SASH3: variants seen among roughly 807,000 people sequenced by gnomAD.
SASH3 encodes the protein SAM and SH3 domain-containing protein 3.
In SASH3, 7 loss-of-function variants were observed where a neutral mutation model predicts 26.1. The ratio of observed to expected loss-of-function variants is 0.27; its 90% CI spans 0.15 to 0.50. The LOEUF is 0.50. Among genes scored for constraint, SASH3 ranks in the 20% least tolerant of loss-of-function variants. The pLI is 0.98. For synonymous variants in SASH3, 138 were observed against 136.8 expected (o/e 1.01, Z -0.06); for missense variants, 231 against 318.3 (o/e 0.73, Z 2.09).
At position 129,788,463 on chromosome X, in the gene SASH3, A is replaced by G. The variant is rs1381411244; in HGVS notation, c.186A>G (p.Pro62=). The G allele has an allele frequency of 8.3e-7, 1 of 1,211,603 alleles. No homozygotes were observed. The highest frequency in any genetic ancestry group is 2.2e-5 in the Admixed American group (1 of 46,090). ...IPEDDSGVPT[P]EDAGKSGKKL... ...AAGATGACTCAGGTGTCCCCACCCC[A>G]GAAGATGCTGGGAAGAGTGGCAAAA... is the stretch of plus-strand genomic sequence containing the variant. Residue 62 remains proline (P), a synonymous_variant, in exon 3 of 8, where the codon CCA becomes CCG. Transcript: ENST00000356892.
At chrX:129,780,218 G>C in intron 1 of SASH3, 64 bp downstream of exon 1, 1 of 1,071,218 alleles carries the variant, frequency 9.3e-7, no homozygotes. Flanking sequence ...TCCCTTCCAA[G>C]ACTCTTGGAA....
In SASH3 at chrX:129,781,280, G is replaced by T. The variant is rs769843748; in HGVS notation, c.57+1126G>T. ...AAAGACTGAGACTCGGGGCAGTGGG[G>T]TGTGCATCCTGCCCCAGCTCTCAGG... On this transcript the variant is annotated intron_variant, in intron 1 of 7. Transcript: ENST00000356892. 6.2e-5 allele frequency among the ~76,000 whole-genome samples: 7 copies of T among 112,002 alleles called. No homozygotes were observed. In the East Asian group the frequency reaches 1.7e-3, roughly 27 times the overall value.
chrX:129,786,167 C>A (rs1927102970), intron 1 of SASH3, among the ~76,000 whole-genome samples: 1 of 110,699 alleles, frequency 9.0e-6, no homozygotes, highest in South Asian at 3.9e-4. Flanking sequence ...AGGCTGCAGG[C>A]ACCCCACCCA....
At chrX:129,788,733 G>C (rs1421273741) in intron 3 of SASH3, among the ~76,000 whole-genome samples, 156 bp downstream of exon 3, 1 of 111,879 alleles carries the variant, frequency 8.9e-6, no homozygotes, top group Non-Finnish European at 1.9e-5. Context: ...CTCACTTGCA[G>C]CCACGGACAG....
In SASH3 at chrX:129,779,972, G is replaced by C; in HGVS notation, c.-126G>C. The stretch of plus-strand genomic sequence containing the variant: ...GCACCCCCAAGCTGCCACTGCAGCA[G>C]TCAGAGTGGCAGCTGAAGGCTCGGT... On this transcript the variant is annotated 5_prime_UTR_variant, in exon 1 of 8. Coordinates refer to ENST00000356892, the MANE Select transcript of SASH3 (RefSeq NM_018990.4). The C allele has an allele frequency of 1.6e-6, 1 of 624,523 alleles. No homozygotes were observed. Among genetic ancestry groups the C allele is most frequent in the Non-Finnish European group, 2.5e-6 (1 of 394,099 alleles). 51.5% of individuals were successfully genotyped at this position (624,523 alleles called of 1,213,427 possible).
rs371341925 is a variant in SASH3, at chrX:129,793,157, C to T, written c.952+18C>T. The T allele has an allele frequency of 1.2e-4, 150 of 1,209,384 alleles. No individual in the cohort carries two copies. The African/African-American group carries it at 1.5e-3, about 12-fold the overall frequency. Reference sequence around the variant, plus strand: ...CTATGACAGTGAGTGGCTTTAGGAGCGGCCTGGTGAGGGTGTGTGCCCACC... The same window carrying T: ...CTATGACAGTGAGTGGCTTTAGGAGTGGCCTGGTGAGGGTGTGTGCCCACC... On this transcript the variant is annotated intron_variant, in intron 7 of 7. Transcript: ENST00000356892.
At chrX:129,789,501 G>T (rs1274916811) in intron 3 of SASH3, among the ~76,000 whole-genome samples, 3 of 111,444 alleles carry the variant, frequency 2.7e-5, no homozygotes, top group Non-Finnish European at 5.7e-5. Context: ...GCCAGGCGTG[G>T]TGGCAGGTGC....
In SASH3 at chrX:129,788,061, G is replaced by A; in HGVS notation, c.144G>A (p.Leu48=). The change falls in exon 2 of 8, where the codon CTG becomes CTA. Residue 48 remains leucine (L), a synonymous_variant. Coordinates refer to ENST00000356892, the MANE Select transcript of SASH3 (RefSeq NM_018990.4). ...SPVVSEKEFN[L]DDNIPEDDSG... is the part of the protein sequence containing the mutation. ...TGGTGAGCGAGAAGGAGTTTAATCTGGATGATAACGTGAGTTTCAGGGCAT... is the reference window on the plus strand; with the variant it reads ...TGGTGAGCGAGAAGGAGTTTAATCTAGATGATAACGTGAGTTTCAGGGCAT... 1 of 1,104,139 alleles carries A rather than the reference G, an allele frequency of 9.1e-7. No homozygotes were observed. The highest frequency in any genetic ancestry group is 1.8e-5 in the South Asian group (1 of 55,209). The allele number at this position is 1,104,139 out of a possible 1,213,427, so 91.0% of individuals were successfully genotyped here.
At chrX:129,789,163 A>G (rs1737125) in intron 3 of SASH3, among the ~76,000 whole-genome samples, 2 of 59,681 alleles carry the variant, frequency 3.4e-5, no homozygotes, top group African/African-American at 9.5e-5. Context: ...GAAAGAAAGA[A>G]AGAGAAAAAA....
chrX:129,782,048 G>A (rs1927026501), intron 1 of SASH3, among the ~76,000 whole-genome samples: 1 of 112,319 alleles, frequency 8.9e-6, no homozygotes, highest in Non-Finnish European at 1.9e-5. Context: ...TCTTTCTCCT[G>A]CCCCTGCTTC....
At chrX:129,784,092 A>AC (rs202169973) in intron 1 of SASH3, among the ~76,000 whole-genome samples, 2,701 of 106,761 alleles carry the variant, frequency 0.025, 91 homozygotes, top group African/African-American at 0.084. Flanking sequence ...CAGTTACTAC[A>AC]CCCCCCCCTT....
At chrX:129,791,871 G>T (rs560394914) in intron 4 of SASH3, among the ~76,000 whole-genome samples, 2 of 112,190 alleles carry the variant, frequency 1.8e-5, no homozygotes, top group South Asian at 7.4e-4. Context: ...ATGAATGCAG[G>T]GCATAGCTTC....
At chrX:129,793,238 C>G (rs1055256129) in intron 7 of SASH3, 99 bp downstream of exon 7, 2 of 940,219 alleles carry the variant, frequency 2.1e-6, no homozygotes, top group African/African-American at 1.9e-5. Context: ...ACGCTCTGCC[C>G]TAGGACTGCT....
chrX:129,788,275 G>T (rs1927145733), intron 2 of SASH3, 156 bp from the exon 3 acceptor site: 2 of 572,777 alleles, frequency 3.5e-6, no homozygotes, highest in Admixed American at 3.5e-5. Flanking sequence ...AATTTATAGG[G>T]CTAAGGACAT....
intron 4 of SASH3, among the ~76,000 whole-genome samples, chrX:129,791,938 C>T (rs139451172): frequency 0.012 from 1,328 of 112,075 alleles, 19 homozygotes; most frequent in African/African-American, 0.04. Context: ...AATGGACTGA[C>T]TCAGTGCTGC....
chrX:129,786,863 C>T (rs1442520750), intron 1 of SASH3, among the ~76,000 whole-genome samples: 1 of 110,351 alleles, frequency 9.1e-6, no homozygotes, highest in Non-Finnish European at 1.9e-5. Flanking sequence ...GGCCTGGTGG[C>T]AGGCACCTGT....
At chrX:129,793,564 G>C (rs1277278147) in intron 7 of SASH3, 78 bp from the exon 8 acceptor site, 2 of 1,050,659 alleles carry the variant, frequency 1.9e-6, no homozygotes, top group East Asian at 6.4e-5. Context: ...TGCCCAGAAG[G>C]AGAGACTGCC....
rs1927315259 is a variant in SASH3 at position 129,795,193 on chromosome X, A to G, written c.*1361A>G. 1 of 112,055 alleles carries G rather than the reference A, an allele frequency of 8.9e-6. No individual in the cohort carries two copies. The highest frequency in any genetic ancestry group is 1.9e-5 in the Non-Finnish European group (1 of 53,087). The allele number at this position is 112,055 out of a possible 1,213,427, so 9.2% of individuals were successfully genotyped here. On this transcript the variant is annotated 3_prime_UTR_variant, in exon 8 of 8. Coordinates refer to ENST00000356892, the MANE Select transcript of SASH3 (RefSeq NM_018990.4). ...CCAGCTGGTAGCAATAAACATGGGT[A>G]GAACTAAATTACCGTCTCCAGTTAT...
chrX:129,788,404 C>A (rs767739916), intron 2 of SASH3, 27 bp from the exon 3 acceptor site: 1 of 1,209,203 alleles, frequency 8.3e-7, no homozygotes, highest in East Asian at 3.0e-5. Context: ...CACCAGGGTC[C>A]CTGGATCGCC....
Sources: allele counts gnomAD v4.1 joint callset (sites outside exome capture counted in the v4.1 genomes callset), GRCh38; gene constraint gnomAD v4.1.1; transcripts MANE v1.5; gene names NCBI Gene and HGNC (gene_info 2026-07-23, HGNC 2026-07-21).